ACSS2: variants seen among roughly 807,000 people sequenced by gnomAD.
The protein encoded by ACSS2 is acyl-CoA synthetase short chain family member 2, also known as acetyl-coenzyme A synthetase, cytoplasmic.
Under a neutral mutation model 90.6 loss-of-function variants are expected in ACSS2, and 58 were observed. The observed-to-expected ratio is 0.64, with a 90% CI of 0.52 to 0.80. ACSS2 has a LOEUF of 0.80. Among genes scored for constraint, ACSS2 ranks in the 30% least tolerant of loss-of-function variants. The probability of loss-of-function intolerance (pLI) is 0.00; values close to 1 mark genes in which losing one functional copy is unlikely to be tolerated. For missense variants in ACSS2, 759 were observed against 912.0 expected (o/e 0.83, Z 2.16); for synonymous variants, 300 against 330.9 (o/e 0.91, Z 1.01).
chr20:34,917,373 A>T (rs1196870164), intron 7 of ACSS2, among the ~76,000 whole-genome samples: 1 of 152,212 alleles, frequency 6.6e-6, no homozygotes, highest in Admixed American at 6.5e-5. Context: ...AACCGTAGGC[A>T]GCTTTCTCTC....
upstream of ACSS2, chr20:34,875,085 C>T (rs777555992): frequency 1.9e-6 from 1 of 534,734 alleles, no homozygotes; most frequent in South Asian, 1.4e-5. Context: ...CCTGCCTTGA[C>T]AGCCAGTCTG....
intron 1 of ACSS2, among the ~76,000 whole-genome samples, chr20:34,879,108 G>C (rs371399865): frequency 1.3e-4 from 19 of 151,842 alleles, no homozygotes; most frequent in African/African-American, 4.6e-4. Flanking sequence ...CTTTCACCGT[G>C]TTAGCCAGGA....
At chr20:34,925,862 C>A in intron 15 of ACSS2, 96 bp downstream of exon 15, 6 of 1,389,472 alleles carry the variant, frequency 4.3e-6, no homozygotes, top group Non-Finnish European at 5.9e-6. Context: ...TGTCCTTTGG[C>A]CAGACCATGT....
chr20:34,907,497 C>A (rs936415025), intron 2 of ACSS2, among the ~76,000 whole-genome samples: 1 of 152,338 alleles, frequency 6.6e-6, no homozygotes, highest in Middle Eastern at 3.4e-3. Context: ...CTTGCAGATA[C>A]AGATAAGTCC....
chr20:34,899,447 C>T (rs1464835488), intron 2 of ACSS2, among the ~76,000 whole-genome samples: 7 of 137,486 alleles, frequency 5.1e-5, no homozygotes, highest in South Asian at 2.4e-4. Flanking sequence ...TCCTTCCTTC[C>T]TTCCTTCCTT....
intron 2 of ACSS2, among the ~76,000 whole-genome samples, chr20:34,888,858 A>G (rs1364565588): frequency 6.6e-6 from 1 of 152,206 alleles, no homozygotes; most frequent in Non-Finnish European, 1.5e-5. Flanking sequence ...TTTGAAGACT[A>G]GCTAGGAAGT....
At chr20:34,876,332 C>T (rs1015686919), upstream of ACSS2, 15 of 257,760 alleles carry the variant, frequency 5.8e-5, no homozygotes, top group South Asian at 1.6e-4. Flanking sequence ...CTCCACGGTT[C>T]CACCCTCTCC....
intron 7 of ACSS2, among the ~76,000 whole-genome samples, chr20:34,919,189 C>T (rs1452663484): frequency 6.6e-6 from 1 of 152,158 alleles, no homozygotes; most frequent in Non-Finnish European, 1.5e-5. Context: ...GGTTCCTCCT[C>T]AGCCTGAGGC....
rs2079918944 is a variant in ACSS2, at chr20:34,876,693, C to A, written c.48C>A (p.Gly16=). The A allele has an allele frequency of 2.8e-6, 4 of 1,433,320 alleles. No individual in the cohort carries two copies. The highest frequency in any genetic ancestry group is 2.9e-5 in the South Asian group (2 of 69,838). 88.8% of individuals were successfully genotyped at this position (1,433,320 alleles called of 1,614,324 possible). Residue 16 remains glycine, a synonymous_variant, in exon 1 of 18, where the codon GGC becomes GGA. Coordinates refer to ENST00000360596, the MANE Select transcript of ACSS2 (RefSeq NM_018677.4). The part of the protein sequence containing the change: ...ERVRSGSGSR[G]QEEAGAGGRA... Reference sequence around the variant, plus strand: ...TCCGGAGCGGCAGCGGGAGCCGGGGCCAGGAGGAAGCTGGAGCCGGAGGCC... The same window carrying A: ...TCCGGAGCGGCAGCGGGAGCCGGGGACAGGAGGAAGCTGGAGCCGGAGGCC...
At chr20:34,917,622 C>T (rs183546165) in intron 7 of ACSS2, among the ~76,000 whole-genome samples, 79 of 152,162 alleles carry the variant, frequency 5.2e-4, no homozygotes, top group Non-Finnish European at 1.0e-3. Flanking sequence ...TCATGTCTAC[C>T]TGCCAGCCAG....
At chr20:34,902,891 ATT>A (rs34171408) in intron 2 of ACSS2, among the ~76,000 whole-genome samples, 20 of 115,272 alleles carry the variant, frequency 1.7e-4, no homozygotes, top group Admixed American at 4.5e-4. Flanking sequence ...ACACCTGGCT[ATT>A]TTTTTTTTTT....
chr20:34,907,481 G>A (rs1568985463), intron 2 of ACSS2, among the ~76,000 whole-genome samples: 1 of 152,220 alleles, frequency 6.6e-6, no homozygotes, highest in East Asian at 1.9e-4. Context: ...GTATATGGTG[G>A]TTGTACTTGC....
intron 2 of ACSS2, among the ~76,000 whole-genome samples, chr20:34,895,199 C>T (rs149156091): frequency 4.6e-5 from 7 of 152,004 alleles, no homozygotes; most frequent in South Asian, 4.2e-4. Context: ...TGCAAAAAAT[C>T]GAATTTCCAA....
At chr20:34,907,751 A>G (rs2080844027) in intron 2 of ACSS2, among the ~76,000 whole-genome samples, 1 of 152,182 alleles carries the variant, frequency 6.6e-6, no homozygotes, top group Non-Finnish European at 1.5e-5. Flanking sequence ...CAGTTAAGGA[A>G]ATGGCTTTTC....
chr20:34,899,926 G>A (rs1394324551), intron 2 of ACSS2, among the ~76,000 whole-genome samples: 1 of 152,156 alleles, frequency 6.6e-6, no homozygotes, highest in Admixed American at 6.5e-5. Flanking sequence ...TGGGTATATA[G>A]CTAGGAGTTT....
At chr20:34,875,493 C>T (rs1472726653), upstream of ACSS2, among the ~76,000 whole-genome samples, 2 of 152,112 alleles carry the variant, frequency 1.3e-5, no homozygotes, top group Non-Finnish European at 2.9e-5. Context: ...TGCTTGAATC[C>T]AGGAGGCAGA....
At chr20:34,881,361 C>G (rs967671516) in intron 1 of ACSS2, among the ~76,000 whole-genome samples, 4 of 151,994 alleles carry the variant, frequency 2.6e-5, no homozygotes, top group African/African-American at 9.7e-5. Context: ...ATTCAGTACT[C>G]AGACTATCCT....
At chr20:34,898,081 C>T (rs538982137) in intron 2 of ACSS2, among the ~76,000 whole-genome samples, 6 of 152,200 alleles carry the variant, frequency 3.9e-5, no homozygotes, top group Admixed American at 1.3e-4. Context: ...TTTGTGGTCT[C>T]GCTGGCTCAG....
chr20:34,877,897 C>CAGAT lies in ACSS2; in HGVS notation c.178+1082_178+1085dup, dbSNP rs1440998444. Among the ~76,000 whole-genome samples, 171 of 91,130 alleles carry CAGAT rather than the reference C, an allele frequency of 1.9e-3. 1 individual carries two copies. The highest frequency in any genetic ancestry group is 6.3e-3 in the Middle Eastern group (1 of 158). The allele number at this position is 91,130 out of a possible 152,430, so 59.8% of individuals were successfully genotyped here. A position where few individuals can be genotyped will look rare whatever the true frequency, so the allele number is the denominator to read the frequency against. Reference sequence around the variant, plus strand: ...CCTTGCCCTCAGTCTGGGTAAAGGACAGATAGATAGACAGATAGATAGATA... The same window carrying CAGAT: ...CCTTGCCCTCAGTCTGGGTAAAGGACAGATAGATAGATAGACAGATAGATAGATA... On this transcript the variant is annotated intron_variant, in intron 1 of 17. Coordinates refer to ENST00000360596, the MANE Select transcript of ACSS2 (RefSeq NM_018677.4).
Sources: gnomAD v4.1 joint callset for allele counts (sites outside exome capture counted in the v4.1 genomes callset) on GRCh38, gnomAD v4.1.1 for gene constraint, MANE v1.5 for transcripts, NCBI Gene and HGNC (gene_info 2026-07-23, HGNC 2026-07-21) for gene names.